Variants in CACNA1E observed in about 807,000 individuals in gnomAD.
CACNA1E encodes the protein voltage-dependent R-type calcium channel subunit alpha-1E.
A neutral mutation model predicts 259.2 loss-of-function variants in CACNA1E; 40 were observed. The ratio of observed to expected loss-of-function variants is 0.15; its 90% CI spans 0.12 to 0.20. The LOEUF (loss-of-function observed/expected upper bound fraction) is 0.20, where lower values mean the gene tolerates loss of function less well. CACNA1E is among the 10% of genes least tolerant of loss of function. The probability of loss-of-function intolerance (pLI) is 1.00; values close to 1 mark genes in which losing one functional copy is unlikely to be tolerated. For synonymous variants in CACNA1E, 1,104 were observed against 1,138.5 expected, an observed-to-expected ratio of 0.97 and a Z score of 0.61; for missense variants, 1,874 against 3,040.1, an observed-to-expected ratio of 0.62 and a Z score of 9.02.
chr1:181,405,448 A>G lies in CACNA1E; in HGVS notation c.-14-7685A>G, dbSNP rs1176887722. ...CCCAGTCTAGATAACTGGCATTTCA[A>G]TTTGTTTCTCCAAGTCCAAGGGGTT... is the stretch of plus-strand genomic sequence containing the variant. On this transcript the variant is annotated intron_variant, in intron 1 of 11. Transcript: ENST00000524607. 7.2e-5 allele frequency among the ~76,000 whole-genome samples: 11 copies of G among 152,140 alleles called. 1 individual carries two copies. Among genetic ancestry groups the G allele is most frequent in the Non-Finnish European group, 1.6e-4 (11 of 68,022 alleles).
In CACNA1E at chr1:181,406,485, C is replaced by T. The variant is rs1279903951; in HGVS notation, c.-14-6648C>T. Reference sequence around the variant, plus strand: ...GATCTCGGCTTGCTATAACTTCTACCTCCTGGGTTCAAGAAATTCTCTGCC... The same window carrying T: ...GATCTCGGCTTGCTATAACTTCTACTTCCTGGGTTCAAGAAATTCTCTGCC... On this transcript the variant is annotated intron_variant, in intron 1 of 11. Transcript: ENST00000524607. 2.0e-5 allele frequency among the ~76,000 whole-genome samples: 3 copies of T among 151,992 alleles called. No individual in the cohort carries two copies. In the East Asian group the frequency reaches 5.8e-4, roughly 29 times the overall value.
At chr1:181,682,241 T>G (rs1443533353) in intron 7 of CACNA1E, among the ~76,000 whole-genome samples, 1 of 152,212 alleles carries the variant, frequency 6.6e-6, no homozygotes, top group Non-Finnish European at 1.5e-5. Context: ...TTCAGTTGAC[T>G]TTGTCAGATT....
chr1:181,707,943 A>T (rs1379094178), intron 7 of CACNA1E, among the ~76,000 whole-genome samples: 2 of 152,206 alleles, frequency 1.3e-5, no homozygotes, highest in African/African-American at 4.8e-5. Context: ...GATGAGCTCT[A>T]AAGGGATGGG....
At chr1:181,484,968 G>T (rs1346652060) in intron 1 of CACNA1E, among the ~76,000 whole-genome samples, 1 of 152,242 alleles carries the variant, frequency 6.6e-6, no homozygotes, top group Non-Finnish European at 1.5e-5. Flanking sequence ...TTAATCAAGT[G>T]CACCAAATGC....
intron 2 of CACNA1E, among the ~76,000 whole-genome samples, chr1:181,418,125 C>T (rs752575193): frequency 1.8e-4 from 27 of 152,292 alleles, no homozygotes; most frequent in Non-Finnish European, 2.6e-4. Context: ...AACATTTGAT[C>T]ACTTCCTCTT....
chr1:181,509,082 A>T (rs1282391255), intron 1 of CACNA1E, among the ~76,000 whole-genome samples: 2 of 152,010 alleles, frequency 1.3e-5, no homozygotes, highest in African/African-American at 2.4e-5. Flanking sequence ...TCAGAGATGC[A>T]TGGTGGTGGG....
At chr1:181,710,893 A>G in intron 7 of CACNA1E, 61 bp from the exon 8 acceptor site, 1 of 1,177,208 alleles carries the variant, frequency 8.5e-7, no homozygotes, top group Non-Finnish European at 1.3e-6. Context: ...TGCTTGATTC[A>G]CTCTTTCCCT....
chr1:181,421,178 C>G (rs746191510), intron 2 of CACNA1E, among the ~76,000 whole-genome samples: 60 of 152,202 alleles, frequency 3.9e-4, no homozygotes, highest in Non-Finnish European at 6.2e-4. Context: ...CCTACAGTAA[C>G]TGGCACAGCA....
chr1:181,758,622 G>A lies in CACNA1E; in HGVS notation c.4495-136G>A, dbSNP rs1658301339. On this transcript the variant is annotated intron_variant, in intron 31 of 47. Transcript: ENST00000367573. This position sits in a 1 kb window ranked among gnomAD's most constrained non-coding sequence, Gnocchi z 4.2. ...GTGGTTCTCCTCTCCAGCACTCGAA[G>A]TCCATCTCTCCTCCTGTACCACACA... 3 of 571,206 alleles carry A rather than the reference G, an allele frequency of 5.3e-6. No individual in the cohort carries two copies. The highest frequency in any genetic ancestry group is 9.3e-6 in the Non-Finnish European group (3 of 321,114). 35.4% of individuals were successfully genotyped at this position (571,206 alleles called of 1,614,324 possible). A position where few individuals can be genotyped will look rare whatever the true frequency, so the allele number is the denominator to read the frequency against.
chr1:181,657,102 A>G (rs1428952659), intron 7 of CACNA1E, among the ~76,000 whole-genome samples: 1 of 152,216 alleles, frequency 6.6e-6, no homozygotes, highest in Non-Finnish European at 1.5e-5. Flanking sequence ...AAAACACTCT[A>G]AGCATTTAAT....
chr1:181,462,989 G>T (rs1242925846), intron 2 of CACNA1E, among the ~76,000 whole-genome samples: 1 of 152,084 alleles, frequency 6.6e-6, no homozygotes, highest in African/African-American at 2.4e-5. Context: ...GCATGTGTGA[G>T]ATTTTCTCTG....
chr1:181,595,302 G>A (rs973128386), intron 6 of CACNA1E, among the ~76,000 whole-genome samples: 4 of 152,116 alleles, frequency 2.6e-5, no homozygotes, highest in Admixed American at 6.5e-5. Context: ...GGTACTTCTC[G>A]TGGCTGCCAC....
chr1:181,528,506 G>A (rs1256631510), intron 3 of CACNA1E, among the ~76,000 whole-genome samples: 1 of 152,222 alleles, frequency 6.6e-6, no homozygotes, highest in East Asian at 1.9e-4. Flanking sequence ...ACAGGCAGAG[G>A]TTGGAACAGT....
In CACNA1E at chr1:181,449,270, G is replaced by T. The variant is rs184191080; in HGVS notation, c.435-34474G>T. On this transcript the variant is annotated intron_variant, in intron 2 of 11. Transcript: ENST00000524607. ...TGAGAAAAATCTCAAGATACATGCC[G>T]TTCCATCCCTGAGATGCCTGCCACA... Among the ~76,000 whole-genome samples, 394 of 152,282 alleles carry T rather than the reference G, an allele frequency of 2.6e-3. 4 individuals carry two copies. Among genetic ancestry groups the T allele is most frequent in the African/African-American group, 8.7e-3 (361 of 41,566 alleles).
chr1:181,544,674 C>T (rs897977767), intron 3 of CACNA1E, among the ~76,000 whole-genome samples: 2 of 152,146 alleles, frequency 1.3e-5, no homozygotes, highest in South Asian at 2.1e-4. Flanking sequence ...CCTTCATTCC[C>T]GTGCAGATAA....
intron 2 of CACNA1E, among the ~76,000 whole-genome samples, chr1:181,454,421 G>A (rs543933748): frequency 6.6e-6 from 1 of 152,308 alleles, no homozygotes; most frequent in East Asian, 1.9e-4. Context: ...TACAATAGGT[G>A]TATTTAGTAG....
chr1:181,616,819 T>C (rs894094639), intron 6 of CACNA1E, among the ~76,000 whole-genome samples: 1 of 152,200 alleles, frequency 6.6e-6, no homozygotes, highest in South Asian at 2.1e-4. Context: ...TGTTTTGTCT[T>C]TTTTATGTCT....
rs574730004 is a variant in CACNA1E, at chr1:181,614,963, G to A, written c.951+34187G>A. Reference sequence around the variant, plus strand: ...TGCAGTTCAAACATGTGTTGTTCAAGGATCAGTTGTATGTACTTTAGAATT... The same window carrying A: ...TGCAGTTCAAACATGTGTTGTTCAAAGATCAGTTGTATGTACTTTAGAATT... On this transcript the variant is annotated intron_variant, in intron 6 of 47. Transcript: ENST00000367573. 3.3e-4 allele frequency among the ~76,000 whole-genome samples: 50 copies of A among 152,188 alleles called. No individual in the cohort carries two copies. In the South Asian group the frequency reaches 0.01, roughly 31 times the overall value.
intron 44 of CACNA1E, among the ~76,000 whole-genome samples, chr1:181,793,005 G>A (rs980772944): frequency 1.3e-5 from 2 of 152,098 alleles, no homozygotes; most frequent in African/African-American, 4.8e-5. Context: ...CTACTATTTG[G>A]ATATATTCAG....
Sources: gnomAD v4.1 joint callset for allele counts (sites outside exome capture counted in the v4.1 genomes callset) on GRCh38, gnomAD v4.1.1 for gene constraint, Gnocchi (gnomAD v3.1) non-coding constraint, MANE v1.5 for transcripts, NCBI Gene and HGNC (gene_info 2026-07-23, HGNC 2026-07-21) for gene names.